The following DOCK4 variants were observed in gnomAD, a reference collection of about 807,000 sequenced individuals.
The protein encoded by DOCK4 is dedicator of cytokinesis protein 4.
Under a neutral mutation model 268.1 loss-of-function variants are expected in DOCK4, and 97 were observed. That is an observed-to-expected ratio of 0.36 (90% CI 0.31 to 0.43). The LOEUF (loss-of-function observed/expected upper bound fraction) is 0.43. DOCK4 is among the 20% of genes least tolerant of loss of function. DOCK4 has a pLI of 1.00. For synonymous variants in DOCK4, 954 were observed against 887.2 expected, an observed-to-expected ratio of 1.08 and a Z score of -1.34; for missense variants, 2,145 against 2,455.7, an observed-to-expected ratio of 0.87 and a Z score of 2.67.
chr7:111,933,085 TATAC>T, intron 12 of DOCK4, among the ~76,000 whole-genome samples: 4 of 143,102 alleles, frequency 2.8e-5, no homozygotes, highest in Admixed American at 2.8e-4. Flanking sequence ...TACACATATA[TATAC>T]GTATATACAC....
intron 13 of DOCK4, among the ~76,000 whole-genome samples, chr7:111,913,115 C>T (rs1792267648): frequency 1.3e-5 from 2 of 151,918 alleles, no homozygotes; most frequent in Admixed American, 6.6e-5. Context: ...AGTCACATGC[C>T]ACCATGCCCG....
chr7:111,746,578 G>T (rs367977012), intron 43 of DOCK4, among the ~76,000 whole-genome samples, 161 bp from the exon 44 acceptor site: 118 of 152,180 alleles, frequency 7.8e-4, no homozygotes, highest in African/African-American at 2.8e-3. Context: ...GGTCAGAATG[G>T]GAACATAAGG....
At chr7:111,783,010 G>GAA in intron 34 of DOCK4, 86 bp from the exon 35 acceptor site, 9 of 526,346 alleles carry the variant, frequency 1.7e-5, no homozygotes, top group South Asian at 7.7e-5. Flanking sequence ...AAAAAAGAAA[G>GAA]AAAGAAAGAA....
At chr7:112,131,333 G>A (rs551343914) in intron 1 of DOCK4, among the ~76,000 whole-genome samples, 2 of 152,288 alleles carry the variant, frequency 1.3e-5, no homozygotes, top group South Asian at 4.1e-4. Context: ...AGGGCAAAAG[G>A]AGGCAAGCAA....
chr7:111,935,372 C>T (rs1279391081), intron 12 of DOCK4, 168 bp downstream of exon 12: 1 of 696,604 alleles, frequency 1.4e-6, no homozygotes, highest in African/African-American at 1.8e-5. Flanking sequence ...AAGTACAACC[C>T]TATCATAGCA....
rs143083346 is a variant in DOCK4 at position 112,175,773 on chromosome 7, C to G, written c.37+30329G>C. On this transcript the variant is annotated intron_variant, in intron 1 of 52. Transcript: ENST00000428084. Reference sequence around the variant, plus strand: ...TAAGTTATGCATTTGCAGATGAATACTGCTAAAATGTGCATCAATTTTATT... The same window carrying G: ...TAAGTTATGCATTTGCAGATGAATAGTGCTAAAATGTGCATCAATTTTATT... 2.8e-3 allele frequency among the ~76,000 whole-genome samples: 432 copies of G among 152,164 alleles called. 2 individuals carry two copies. Among genetic ancestry groups the G allele is most frequent in the African/African-American group, 9.5e-3 (396 of 41,470 alleles).
chr7:111,785,734 G>C (rs1799119908), intron 32 of DOCK4, among the ~76,000 whole-genome samples: 1 of 152,294 alleles, frequency 6.6e-6, no homozygotes, highest in East Asian at 1.9e-4. Flanking sequence ...ACCCGGGTGA[G>C]AGTGGGTATT....
intron 1 of DOCK4, among the ~76,000 whole-genome samples, chr7:112,012,221 C>A (rs1375466689): frequency 6.6e-6 from 1 of 151,760 alleles, no homozygotes; most frequent in Non-Finnish European, 1.5e-5. Context: ...AATAAAAAAC[C>A]CTTTCTCTAT....
intron 1 of DOCK4, among the ~76,000 whole-genome samples, chr7:112,179,752 T>G (rs751181621): frequency 6.6e-6 from 1 of 152,202 alleles, no homozygotes; most frequent in Non-Finnish European, 1.5e-5. Context: ...ATGGTAGTTA[T>G]GCTGTCAAGA....
chr7:111,753,993 C>T (rs971274194), intron 42 of DOCK4, among the ~76,000 whole-genome samples: 1 of 152,174 alleles, frequency 6.6e-6, no homozygotes, highest in African/African-American at 2.4e-5. Context: ...GTGTATATGA[C>T]ATTTCCAAGG....
intron 11 of DOCK4, among the ~76,000 whole-genome samples, chr7:111,935,970 A>G (rs1233289071): frequency 6.6e-6 from 1 of 152,188 alleles, no homozygotes; most frequent in Non-Finnish European, 1.5e-5. Flanking sequence ...AATTCTCACT[A>G]TTAACCAAGC....
intron 12 of DOCK4, among the ~76,000 whole-genome samples, chr7:111,928,808 C>T (rs1247679500): frequency 1.3e-5 from 2 of 152,022 alleles, no homozygotes; most frequent in African/African-American, 4.8e-5. Context: ...AGGCTGGTCT[C>T]GAACTCCTGA....
At chr7:112,055,769 G>A (rs1365005873) in intron 1 of DOCK4, among the ~76,000 whole-genome samples, 1 of 151,954 alleles carries the variant, frequency 6.6e-6, no homozygotes, top group Non-Finnish European at 1.5e-5. Context: ...TTAGCCAGGT[G>A]TGGTGGTGGG....
intron 25 of DOCK4, among the ~76,000 whole-genome samples, chr7:111,837,709 G>T (rs1445748488): frequency 1.3e-5 from 2 of 152,166 alleles, no homozygotes; most frequent in Non-Finnish European, 2.9e-5. Flanking sequence ...ACTGAAGGCT[G>T]CAAAACACTG....
intron 32 of DOCK4, chr7:111,784,550 T>G: frequency 2.3e-6 from 1 of 443,420 alleles, no homozygotes; most frequent in Non-Finnish European, 4.6e-6. Context: ...GTTTCATTCA[T>G]TTTGTCACTA....
intron 1 of DOCK4, among the ~76,000 whole-genome samples, chr7:112,143,570 TTTGGGGGCACA>T (rs1310543513): frequency 5.3e-5 from 8 of 152,338 alleles, no homozygotes; most frequent in African/African-American, 1.9e-4. Flanking sequence ...ATTCTATGCA[TTTGGGGGCACA>T]TCTAAAAGTT....
intron 3 of DOCK4, among the ~76,000 whole-genome samples, chr7:111,999,481 T>C (rs1452055044): frequency 3.9e-5 from 6 of 152,184 alleles, no homozygotes; most frequent in African/African-American, 1.4e-4. Context: ...AGAGAAATCA[T>C]ACTAAGTTTC....
In DOCK4 at chr7:111,822,349, T is replaced by G. The variant is rs1441566012; in HGVS notation, c.2930+13A>C. The G allele has an allele frequency of 3.1e-6, 5 of 1,604,324 alleles. No individual in the cohort carries two copies. The highest frequency in any genetic ancestry group is 3.4e-6 in the Non-Finnish European group (4 of 1,172,574). ...ACATTGAGCTGCAATTATCATCAACTTAAATGTCTTACTTGTTAGCAACCA... is the reference window on the plus strand; with the variant it reads ...ACATTGAGCTGCAATTATCATCAACGTAAATGTCTTACTTGTTAGCAACCA... On this transcript the variant is annotated intron_variant, in intron 27 of 52. Transcript: ENST00000428084.
At chr7:111,915,927 G>C (rs375969297) in intron 12 of DOCK4, 23 bp from the exon 13 acceptor site, 1 of 1,602,034 alleles carries the variant, frequency 6.2e-7, no homozygotes, top group Non-Finnish European at 8.5e-7. Context: ...AGAGATACCC[G>C]AGTTAAAAAC....
Sources: allele counts gnomAD v4.1 joint callset (sites outside exome capture counted in the v4.1 genomes callset), GRCh38; gene constraint gnomAD v4.1.1; transcripts MANE v1.5; gene names NCBI Gene and HGNC (gene_info 2026-07-23, HGNC 2026-07-21).